CYP20A1: variants seen among roughly 807,000 people sequenced by gnomAD.
CYP20A1 encodes the protein cytochrome P450 family 20 subfamily A member 1, also known as cytochrome P450 20A1.
CYP20A1 carries 61 observed loss-of-function variants against 61.4 expected under a neutral mutation model. That is an observed-to-expected ratio of 0.99 (90% CI 0.81 to 1.23). CYP20A1 has a LOEUF of 1.23. Ranked by LOEUF, CYP20A1 falls within the 50% of genes most tolerant of loss-of-function variation. The pLI is 0.00. For missense variants in CYP20A1, 530 were observed against 542.4 expected (o/e 0.98, Z 0.23); for synonymous variants, 193 against 188.2 (o/e 1.03, Z -0.21).
chr2:203,247,728 G>A (rs1362377831), intron 3 of CYP20A1, among the ~76,000 whole-genome samples: 3 of 152,222 alleles, frequency 2.0e-5, no homozygotes, highest in African/African-American at 7.2e-5. Context: ...GTGGTGAGGT[G>A]TGCCTGTAGT....
intron 3 of CYP20A1, among the ~76,000 whole-genome samples, chr2:203,251,310 C>G (rs2066662018): frequency 6.6e-6 from 1 of 151,140 alleles, no homozygotes; most frequent in Admixed American, 6.6e-5. Context: ...CAAACTTATC[C>G]ATTTTGCTTT....
chr2:203,252,674 G>A (rs1179065305), intron 4 of CYP20A1, among the ~76,000 whole-genome samples: 1 of 151,980 alleles, frequency 6.6e-6, no homozygotes, highest in Non-Finnish European at 1.5e-5. Flanking sequence ...CATGATAGGA[G>A]TTTTCAGATG....
intron 6 of CYP20A1, among the ~76,000 whole-genome samples, chr2:203,277,445 G>C (rs898162756): frequency 1.3e-5 from 2 of 151,868 alleles, no homozygotes; most frequent in African/African-American, 4.8e-5. Flanking sequence ...TGAAACATTT[G>C]TGTATAATTT....
At chr2:203,287,215 CAAAAAA>C (rs1168549640) in intron 9 of CYP20A1, among the ~76,000 whole-genome samples, 6 of 47,068 alleles carry the variant, frequency 1.3e-4, no homozygotes, top group Admixed American at 3.3e-4. Context: ...GACCCTATCT[CAAAAAA>C]AAAAAAAAAA....
chr2:203,263,246 C>A (rs1300961871), intron 4 of CYP20A1, among the ~76,000 whole-genome samples: 3 of 151,540 alleles, frequency 2.0e-5, no homozygotes, highest in Admixed American at 2.0e-4. Context: ...ACCTCGGCCT[C>A]CCAAAGTGCT....
At chr2:203,293,796 T>A (rs553147083) in intron 11 of CYP20A1, among the ~76,000 whole-genome samples, 42 of 152,252 alleles carry the variant, frequency 2.8e-4, no homozygotes, top group Admixed American at 6.6e-4. Flanking sequence ...TTCCCTTTTT[T>A]AAAAATTCAG....
chr2:203,292,317 C>G lies in CYP20A1; in HGVS notation c.1139C>G (p.Ser380Cys). Residue 380 changes from serine to cysteine, a missense_variant, in exon 11 of 13, where the codon TCT (serine) becomes TGT (cysteine). Transcript: ENST00000356079. ...VVLQDPNTWP[S>C]PHKFDPDRFD... is the part of the protein sequence containing the mutation. ...CTTCAGGATCCTAATACTTGGCCAT[C>G]TCCACACAAGTATGAAATATTTGTC... 3 of 1,609,626 alleles carry G rather than the reference C, an allele frequency of 1.9e-6. No homozygotes were observed. Among genetic ancestry groups the G allele is most frequent in the Non-Finnish European group, 2.6e-6 (3 of 1,176,366 alleles).
intron 4 of CYP20A1, among the ~76,000 whole-genome samples, chr2:203,262,207 A>G (rs544900864): frequency 6.6e-6 from 1 of 151,962 alleles, no homozygotes; most frequent in African/African-American, 2.4e-5. Flanking sequence ...GTCGATTTTT[A>G]TATTATTTTA....
At chr2:203,254,823 T>A (rs1024416332) in intron 4 of CYP20A1, among the ~76,000 whole-genome samples, 3 of 152,012 alleles carry the variant, frequency 2.0e-5, no homozygotes, top group African/African-American at 7.2e-5. Flanking sequence ...AGTCCATCTC[T>A]ACTAAAAATA....
At position 203,262,742 on chromosome 2, in the gene CYP20A1, G is replaced by A. The variant is rs140887758; in HGVS notation, c.433-3772G>A. On this transcript the variant is annotated intron_variant, in intron 4 of 12. Transcript: ENST00000356079. ...GTCTTACTCTCGTCCAGGCTGGAGT[G>A]CACTGGCGCGATCTCGGCTCACTGC... Among the ~76,000 whole-genome samples, 772 of 151,868 alleles carry A rather than the reference G, an allele frequency of 5.1e-3. 11 individuals carry two copies. The highest frequency in any genetic ancestry group is 0.018 in the African/African-American group (733 of 41,432).
At chr2:203,288,993 A>T (rs1246025900) in intron 9 of CYP20A1, among the ~76,000 whole-genome samples, 1 of 152,224 alleles carries the variant, frequency 6.6e-6, no homozygotes, top group African/African-American at 2.4e-5. Flanking sequence ...TGTGATGTAC[A>T]CTTAAGAGTT....
At position 203,304,320 on chromosome 2, in the gene CYP20A1, C is replaced by G. The variant is rs1399260939; in HGVS notation, c.*7412C>G. 6.6e-6 allele frequency among the ~76,000 whole-genome samples: 1 copy of G among 152,136 alleles called. No individual in the cohort carries two copies. The highest frequency in any genetic ancestry group is 1.5e-5 in the Non-Finnish European group (1 of 68,006). ...TCAAGCGATTCTCCTGCCTCAGCCT[C>G]CCGAGTAGCTGCGACTACAGGCGAG... On this transcript the variant is annotated 3_prime_UTR_variant, in exon 13 of 13. Coordinates refer to ENST00000356079, the MANE Select transcript of CYP20A1 (RefSeq NM_177538.3).
At chr2:203,264,753 G>A (rs564002376) in intron 4 of CYP20A1, among the ~76,000 whole-genome samples, 151 of 151,526 alleles carry the variant, frequency 1.0e-3, no homozygotes, top group Middle Eastern at 3.4e-3. Context: ...TTTTTTAGAC[G>A]GAGTCTCACT....
rs375830522 is a variant in CYP20A1, at chr2:203,239,134, G to A, written c.72G>A (p.Pro24=). 9 of 1,612,654 alleles carry A rather than the reference G, an allele frequency of 5.6e-6. 1 individual carries two copies. The highest frequency in any genetic ancestry group is 6.8e-6 in the Non-Finnish European group (8 of 1,179,536). Residue 24 remains proline (P), a splice_region_variant and synonymous_variant, in exon 1 of 13, where the codon CCG becomes CCA. Transcript: ENST00000356079. ...TGGGAGCCGTGCTCTACCTCTATCC[G>A]GTGAGCGCCGTCTTGGCTCTCTGGG... is the stretch of plus-strand genomic sequence containing the variant. ...ALVGAVLYLY[P]ASRQAAGIPG...
Position 203,296,426 on chromosome 2 carries a change from AGAT to A in CYP20A1, c.1149-46_1149-44del, listed in dbSNP as rs751268478. On this transcript the variant is annotated intron_variant, in intron 11 of 12. Coordinates refer to ENST00000356079, the MANE Select transcript of CYP20A1 (RefSeq NM_177538.3). Reference sequence around the variant, plus strand: ...TGTGTTCTTTTAGTGTCAACATGTAAGATGCCAGTGGAGCTATATTGTGATTAA... The same window carrying A: ...TGTGTTCTTTTAGTGTCAACATGTAAGCCAGTGGAGCTATATTGTGATTAA... The A allele has an allele frequency of 2.6e-6, 3 of 1,160,666 alleles. No individual in the cohort carries two copies. The South Asian group carries it at 4.0e-5, about 15-fold the overall frequency. The allele number at this position is 1,160,666 out of a possible 1,614,324, so 71.9% of individuals were successfully genotyped here.
Position 203,245,900 on chromosome 2 carries a change from G to C in CYP20A1, c.122+5G>C. 1 of 1,575,120 alleles carries C rather than the reference G, an allele frequency of 6.3e-7. No individual in the cohort carries two copies. Among genetic ancestry groups the C allele is most frequent in the Non-Finnish European group, 8.7e-7 (1 of 1,149,148 alleles). ...GATTACTCCAACTGAAGAAAAGTGA[G>C]TAATTATTTTCTTGGAATTAAGTAG... On this transcript the variant is annotated splice_donor_5th_base_variant and intron_variant, in intron 2 of 12. Coordinates refer to ENST00000356079, the MANE Select transcript of CYP20A1 (RefSeq NM_177538.3).
At chr2:203,263,903 T>G (rs1263590696) in intron 4 of CYP20A1, among the ~76,000 whole-genome samples, 1 of 152,148 alleles carries the variant, frequency 6.6e-6, no homozygotes, top group African/African-American at 2.4e-5. Context: ...TTGTTCTTTT[T>G]AGCTGCTGAG....
rs531947821 is a variant in CYP20A1 at position 203,263,288 on chromosome 2, T to C, written c.433-3226T>C. On this transcript the variant is annotated intron_variant, in intron 4 of 12. Transcript: ENST00000356079. ...ACAGGCGTGAGCCACTGCGCCTGGCTTTTTTTTTTTTTTTAAATTTTAGGC... is the reference window on the plus strand; with the variant it reads ...ACAGGCGTGAGCCACTGCGCCTGGCCTTTTTTTTTTTTTTAAATTTTAGGC... 2.5e-3 allele frequency among the ~76,000 whole-genome samples: 309 copies of C among 124,314 alleles called. 1 individual carries two copies. The highest frequency in any genetic ancestry group is 3.7e-3 in the Non-Finnish European group (216 of 58,022). The allele number at this position is 124,314 out of a possible 152,430, so 81.6% of individuals were successfully genotyped here.
chr2:203,284,431 A>G (rs1351420903), intron 8 of CYP20A1, among the ~76,000 whole-genome samples: 2 of 152,104 alleles, frequency 1.3e-5, no homozygotes. Context: ...AGGAAATATA[A>G]CTACTCTTTT....
Sources: gnomAD v4.1 joint callset for allele counts (sites outside exome capture counted in the v4.1 genomes callset) on GRCh38, gnomAD v4.1.1 for gene constraint, MANE v1.5 for transcripts, NCBI Gene and HGNC (gene_info 2026-07-23, HGNC 2026-07-21) for gene names.